Variants in LHFPL3 observed in about 807,000 individuals in gnomAD.
LHFPL3 encodes the protein LHFPL tetraspan subfamily member 3, also known as LHFPL tetraspan subfamily member 3 protein.
A neutral mutation model predicts 19.3 loss-of-function variants in LHFPL3; 5 were observed. The observed-to-expected ratio is 0.26, with a 90% CI of 0.14 to 0.54. The LOEUF is 0.54. Ranked by LOEUF, LHFPL3 falls within the 20% of genes least tolerant of loss-of-function variation. The pLI is 0.94. For synonymous variants in LHFPL3, 133 were observed against 126.2 expected (o/e 1.05, Z -0.36); for missense variants, 249 against 307.4 (o/e 0.81, Z 1.42).
At chr7:104,759,977 T>A (rs1454998774) in intron 2 of LHFPL3, among the ~76,000 whole-genome samples, 1 of 152,188 alleles carries the variant, frequency 6.6e-6, no homozygotes, top group Non-Finnish European at 1.5e-5. Context: ...TGTATTATCG[T>A]CGCTCCTCAG....
chr7:104,418,421 G>A (rs1791666590), intron 1 of LHFPL3, among the ~76,000 whole-genome samples: 1 of 151,980 alleles, frequency 6.6e-6, no homozygotes, highest in Non-Finnish European at 1.5e-5. Context: ...AGTCTTGGCT[G>A]CTTGGGAGGC....
intron 1 of LHFPL3, among the ~76,000 whole-genome samples, chr7:104,710,307 G>A (rs1171255632): frequency 6.6e-6 from 1 of 152,184 alleles, no homozygotes; most frequent in African/African-American, 2.4e-5. Flanking sequence ...ACTGCAACAT[G>A]AATATTTGTT....
At chr7:104,705,804 C>T (rs963966462) in intron 1 of LHFPL3, among the ~76,000 whole-genome samples, 8 of 152,116 alleles carry the variant, frequency 5.3e-5, no homozygotes, top group Admixed American at 6.5e-5. Flanking sequence ...TCCCCACTAC[C>T]GGAACTGGGA....
At chr7:104,681,192 G>A (rs1792694145) in intron 1 of LHFPL3, among the ~76,000 whole-genome samples, 1 of 135,084 alleles carries the variant, frequency 7.4e-6, no homozygotes, top group South Asian at 2.3e-4. Context: ...GATGGGATCT[G>A]CCCTGTTTAC....
intron 2 of LHFPL3, chr7:104,826,402 C>A: frequency 6.2e-6 from 1 of 161,628 alleles, no homozygotes; most frequent in South Asian, 1.8e-4. Context: ...CGCAGTCCAT[C>A]CCACGCAGCA....
chr7:104,796,099 T>C (rs1027797484), intron 2 of LHFPL3, among the ~76,000 whole-genome samples: 1 of 152,206 alleles, frequency 6.6e-6, no homozygotes, highest in African/African-American at 2.4e-5. Flanking sequence ...GATTTTTCAA[T>C]AGCAGCTTTA....
At chr7:104,346,040 C>CTTTTTT (rs35726797) in intron 1 of LHFPL3, among the ~76,000 whole-genome samples, 1 of 140,402 alleles carries the variant, frequency 7.1e-6, no homozygotes. Flanking sequence ...TTTATTCCTT[C>CTTTTTT]TTTTTTTTTT....
At chr7:104,468,784 G>T (rs768884190) in intron 1 of LHFPL3, among the ~76,000 whole-genome samples, 1 of 151,056 alleles carries the variant, frequency 6.6e-6, no homozygotes, top group African/African-American at 2.4e-5. Flanking sequence ...TCAGCCTCCC[G>T]AGTAGCTGGG....
At chr7:104,841,020 AG>A (rs527833465) in intron 2 of LHFPL3, among the ~76,000 whole-genome samples, 4 of 152,148 alleles carry the variant, frequency 2.6e-5, no homozygotes, top group Non-Finnish European at 5.9e-5. Flanking sequence ...CTGTGAACAA[AG>A]TTCTCCAGTA....
intron 1 of LHFPL3, among the ~76,000 whole-genome samples, chr7:104,667,473 G>T (rs1326288309): frequency 6.6e-6 from 1 of 152,118 alleles, no homozygotes; most frequent in Admixed American, 6.6e-5. Context: ...CTACTCTCCT[G>T]GGTGCTTATG....
At chr7:104,609,953 C>A (rs145182492) in intron 1 of LHFPL3, among the ~76,000 whole-genome samples, 104 of 152,252 alleles carry the variant, frequency 6.8e-4, no homozygotes, top group African/African-American at 2.2e-3. Flanking sequence ...TCAAAACTAC[C>A]AGAAATTATG....
At chr7:104,694,076 G>C (rs1334960157) in intron 1 of LHFPL3, among the ~76,000 whole-genome samples, 2 of 152,150 alleles carry the variant, frequency 1.3e-5, no homozygotes, top group Non-Finnish European at 2.9e-5. Flanking sequence ...GAGAAATAAG[G>C]GGTGTTTTCC....
intron 2 of LHFPL3, among the ~76,000 whole-genome samples, chr7:104,787,287 C>T (rs1789936373): frequency 6.6e-6 from 1 of 152,182 alleles, no homozygotes; most frequent in East Asian, 1.9e-4. Context: ...AATGTTAGCT[C>T]ATTCCCAGTA....
chr7:104,835,872 G>T (rs761926657), intron 2 of LHFPL3, among the ~76,000 whole-genome samples: 1 of 151,864 alleles, frequency 6.6e-6, no homozygotes, highest in Non-Finnish European at 1.5e-5. Context: ...TGTCACCAAG[G>T]TTTTAAGCCC....
At chr7:104,713,021 T>A (rs1208941902) in intron 1 of LHFPL3, among the ~76,000 whole-genome samples, 1 of 152,206 alleles carries the variant, frequency 6.6e-6, no homozygotes, top group Non-Finnish European at 1.5e-5. Flanking sequence ...CTCTTCTTTT[T>A]ATTCCCTCAA....
chr7:104,854,898 C>T (rs1374158778), intron 2 of LHFPL3, among the ~76,000 whole-genome samples: 1 of 152,144 alleles, frequency 6.6e-6, no homozygotes, highest in African/African-American at 2.4e-5. Flanking sequence ...CCTGCAATGG[C>T]GTATAATTTC....
At chr7:104,527,808 A>G (rs1361134284) in intron 1 of LHFPL3, among the ~76,000 whole-genome samples, 1 of 152,148 alleles carries the variant, frequency 6.6e-6, no homozygotes, top group African/African-American at 2.4e-5. Flanking sequence ...ACAGAGGGAA[A>G]TTCACTTCTT....
At chr7:104,531,663 G>C (rs932785953) in intron 1 of LHFPL3, among the ~76,000 whole-genome samples, 3 of 152,098 alleles carry the variant, frequency 2.0e-5, no homozygotes, top group Non-Finnish European at 2.9e-5. Context: ...ATGACAAAGG[G>C]ATCTATATGG....
chr7:104,486,454 A>T (rs1481634273), intron 1 of LHFPL3, among the ~76,000 whole-genome samples: 1 of 152,178 alleles, frequency 6.6e-6, no homozygotes, highest in Non-Finnish European at 1.5e-5. Context: ...ACACTGGCAG[A>T]TTCAGTGTGT....
Sources: gnomAD v4.1 joint callset for allele counts (sites outside exome capture counted in the v4.1 genomes callset) on GRCh38, gnomAD v4.1.1 for gene constraint, MANE v1.5 for transcripts, NCBI Gene and HGNC (gene_info 2026-07-23, HGNC 2026-07-21) for gene names.